Variants in SHE observed in about 807,000 individuals in gnomAD.
SHE encodes SH2 domain-containing adapter protein E.
SHE carries 11 observed loss-of-function variants against 49.8 expected under a neutral mutation model. That is an observed-to-expected ratio of 0.22 (90% CI 0.14 to 0.37). The LOEUF is 0.37. SHE is among the 10% of genes least tolerant of loss of function. The pLI is 1.00. For synonymous variants in SHE, 310 were observed against 278.1 expected, an observed-to-expected ratio of 1.11 and a Z score of -1.14; for missense variants, 624 against 655.5, an observed-to-expected ratio of 0.95 and a Z score of 0.52.
chr1:154,479,480 G>C, downstream of SHE: 6 of 984,792 alleles, frequency 6.1e-6, no homozygotes, highest in Non-Finnish European at 7.2e-6. Flanking sequence ...AACCACTGTA[G>C]TTTTCTTGGA....
At chr1:154,487,724 C>A (rs1170263881) in intron 3 of SHE, among the ~76,000 whole-genome samples, 1 of 151,560 alleles carries the variant, frequency 6.6e-6, no homozygotes, top group Admixed American at 6.6e-5. Flanking sequence ...GTGGTGCACG[C>A]CTGTAGTCCC....
intron 2 of SHE, among the ~76,000 whole-genome samples, chr1:154,495,951 A>C (rs1306796035): frequency 6.6e-6 from 1 of 152,212 alleles, no homozygotes; most frequent in Non-Finnish European, 1.5e-5. Context: ...GAAACAAGTA[A>C]AAAAAACTCT....
downstream of SHE, among the ~76,000 whole-genome samples, chr1:154,475,144 G>A (rs968472934): frequency 6.6e-6 from 1 of 152,142 alleles, no homozygotes; most frequent in African/African-American, 2.4e-5. Flanking sequence ...CCAGGTGGGA[G>A]GGAGGCCGCC....
intron 3 of SHE, 63 bp downstream of exon 3, chr1:154,488,988 G>A: frequency 6.7e-7 from 1 of 1,500,586 alleles, no homozygotes; most frequent in Non-Finnish European, 8.9e-7. Flanking sequence ...AACAAATGTG[G>A]GGCTGATGCG....
At chr1:154,476,038 T>C (rs1691868995), downstream of SHE, among the ~76,000 whole-genome samples, 1 of 152,240 alleles carries the variant, frequency 6.6e-6, no homozygotes, top group African/African-American at 2.4e-5. Context: ...ATGTTTCTCT[T>C]GCAAGTACAC....
chr1:154,480,345 G>A lies in SHE; in HGVS notation c.*3804C>T, dbSNP rs1691987092. On this transcript the variant is annotated 3_prime_UTR_variant, in exon 6 of 6. Transcript: ENST00000304760. ...AGGGAGAAACAAGGGGCTAACCTTTGACTGAAAAAGGGCATCTGACAGAAC... is the reference window on the plus strand; with the variant it reads ...AGGGAGAAACAAGGGGCTAACCTTTAACTGAAAAAGGGCATCTGACAGAAC... 4 of 985,304 alleles carry A rather than the reference G, an allele frequency of 4.1e-6. No individual in the cohort carries two copies. The highest frequency in any genetic ancestry group is 1.7e-5 in the African/African-American group (1 of 57,226). 61.0% of individuals were successfully genotyped at this position (985,304 alleles called of 1,614,324 possible).
chr1:154,489,142 G>C lies in SHE; in HGVS notation c.933C>G (p.Asp311Glu), dbSNP rs1475066977. The change falls in exon 3 of 6, where the codon GAC becomes GAG. Residue 311 changes from aspartate to glutamate, a missense_variant. Asp to Glu is a conservative substitution (Grantham distance 45). This residue lies in a region of SHE where 155 missense variants were observed against 142.0 expected (regional missense o/e 1.09). Transcript: ENST00000304760. ...PRAEGKARPP[D>E]SRLPENDERP... ...TCTCGTCGTTCTCGGGCAGCCGGCTGTCTGGGGGCCGCGCCTTCCCCTCTG... is the reference window on the plus strand; with the variant it reads ...TCTCGTCGTTCTCGGGCAGCCGGCTCTCTGGGGGCCGCGCCTTCCCCTCTG... 5 of 1,613,932 alleles carry C rather than the reference G, an allele frequency of 3.1e-6. No individual in the cohort carries two copies. Among genetic ancestry groups the C allele is most frequent in the Admixed American group, 3.3e-5 (2 of 59,984 alleles).
Position 154,501,483 on chromosome 1 carries a change from G to C in SHE, c.544C>G (p.Leu182Val), listed in dbSNP as rs1408858322. 1 of 1,614,072 alleles carries C rather than the reference G, an allele frequency of 6.2e-7. No homozygotes were observed. The highest frequency in any genetic ancestry group is 2.2e-5 in the East Asian group (1 of 44,890). Residue 182 changes from leucine (L) to valine (V), a missense_variant, in exon 1 of 6, where the codon CTG becomes GTG. Leu to Val is a conservative substitution (Grantham distance 32, BLOSUM62 1). This residue lies in a region of SHE where 337 missense variants were observed against 306.0 expected (regional missense o/e 1.10). Coordinates refer to ENST00000304760, the MANE Select transcript of SHE (RefSeq NM_001010846.3). ...SSSASSSPSSLGPELDKGKII... is the reference protein window; with the variant it reads ...SSSASSSPSSVGPELDKGKII... The stretch of plus-strand genomic sequence containing the variant: ...TTGCCCTTGTCCAGCTCGGGCCCCA[G>C]GGAGGAAGGGGAAGAGGACGCGGAG...
In SHE at chr1:154,471,800, C is replaced by T. The variant is rs1002403789; in HGVS notation, c.103-1438G>A. ...CTTCAAATTGCTTAATAAAGCTGCC[C>T]AATGTCCTGAAAAAAAATAGCTCAC... On this transcript the variant is annotated intron_variant, in intron 1 of 1. Coordinates refer to the SHE transcript ENST00000486773. Among the ~76,000 whole-genome samples the T allele has an allele frequency of 2.0e-5, 3 of 152,078 alleles. No homozygotes were observed. In the East Asian group the frequency reaches 5.8e-4, roughly 29 times the overall value.
In SHE at chr1:154,481,348, C is replaced by T. The variant is rs373595710; in HGVS notation, c.*2801G>A. On this transcript the variant is annotated 3_prime_UTR_variant, in exon 6 of 6. Transcript: ENST00000304760. ...ATATTTCTTCTTATAACCTCCTGTACAACTGTAAAGCAACTGGACAATATG... is the reference window on the plus strand; with the variant it reads ...ATATTTCTTCTTATAACCTCCTGTATAACTGTAAAGCAACTGGACAATATG... 2.3e-5 allele frequency: 23 copies of T among 985,432 alleles called. No individual in the cohort carries two copies. In the East Asian group the frequency reaches 1.0e-3, roughly 44 times the overall value. 61.0% of individuals were successfully genotyped at this position (985,432 alleles called of 1,614,324 possible).
chr1:154,499,295 T>A lies in SHE; in HGVS notation c.592-57A>T, dbSNP rs746051100. The A allele has an allele frequency of 2.6e-6, 4 of 1,565,946 alleles. No individual in the cohort carries two copies. The East Asian group carries it at 6.8e-5, about 27-fold the overall frequency. On this transcript the variant is annotated intron_variant, in intron 1 of 5. Coordinates refer to ENST00000304760, the MANE Select transcript of SHE (RefSeq NM_001010846.3). ...GGGCCACCGTATACCAAAATGGCAA[T>A]GGTATCAAAATGGCTACTGACATCT...
At position 154,480,566 on chromosome 1, in the gene SHE, C is replaced by A. The variant is rs968525593; in HGVS notation, c.*3583G>T. ...CCCTATCAGCTACCTGCCCACCTCC[C>A]CATCCTGCGGCAGAGGCTAGTACAC... is the stretch of plus-strand genomic sequence containing the variant. On this transcript the variant is annotated 3_prime_UTR_variant, in exon 6 of 6. Coordinates refer to ENST00000304760, the MANE Select transcript of SHE (RefSeq NM_001010846.3). 32 of 985,418 alleles carry A rather than the reference C, an allele frequency of 3.2e-5. No homozygotes were observed. The highest frequency in any genetic ancestry group is 3.9e-5 in the Non-Finnish European group (32 of 829,938). 61.0% of individuals were successfully genotyped at this position (985,418 alleles called of 1,614,324 possible).
At chr1:154,495,990 G>C (rs1388340828) in intron 2 of SHE, among the ~76,000 whole-genome samples, 1 of 152,148 alleles carries the variant, frequency 6.6e-6, no homozygotes, top group Admixed American at 6.5e-5. Flanking sequence ...GGAAATTTCC[G>C]AACTTGGACT....
chr1:154,480,413 A>C lies in SHE; in HGVS notation c.*3736T>G, dbSNP rs1030503358. Reference sequence around the variant, plus strand: ...AACCCGCAACTGAAGAATGCCTCACAGTTATTCTTCTGAATATCAAGATGC... The same window carrying C: ...AACCCGCAACTGAAGAATGCCTCACCGTTATTCTTCTGAATATCAAGATGC... On this transcript the variant is annotated 3_prime_UTR_variant, in exon 6 of 6. Coordinates refer to ENST00000304760, the MANE Select transcript of SHE (RefSeq NM_001010846.3). 9.1e-6 allele frequency: 9 copies of C among 985,482 alleles called. No individual in the cohort carries two copies. The highest frequency in any genetic ancestry group is 1.1e-5 in the Non-Finnish European group (9 of 829,948). 61.0% of individuals were successfully genotyped at this position (985,482 alleles called of 1,614,324 possible).
At chr1:154,488,693 T>C (rs1361090185) in intron 3 of SHE, among the ~76,000 whole-genome samples, 2 of 152,154 alleles carry the variant, frequency 1.3e-5, no homozygotes, top group Non-Finnish European at 2.9e-5. Flanking sequence ...TTCAAGCGAT[T>C]CTCCTGTCTC....
intron 2 of SHE, among the ~76,000 whole-genome samples, chr1:154,498,889 T>C (rs952147559): frequency 1.3e-5 from 2 of 152,192 alleles, no homozygotes; most frequent in African/African-American, 4.8e-5. Flanking sequence ...TAGAAAAACT[T>C]TGAAGACTCC....
At chr1:154,472,290 G>GC (rs1462043963) in intron 1 of SHE, among the ~76,000 whole-genome samples, 1 of 152,252 alleles carries the variant, frequency 6.6e-6, no homozygotes, top group East Asian at 1.9e-4. Context: ...GAGGAAGCCA[G>GC]CACCTGCACG....
chr1:154,481,445 G>C lies in SHE; in HGVS notation c.*2704C>G, dbSNP rs998698783. The C allele has an allele frequency of 9.8e-5, 97 of 985,264 alleles. No homozygotes were observed. Among genetic ancestry groups the C allele is most frequent in the Non-Finnish European group, 1.0e-4 (87 of 829,920 alleles). The allele number at this position is 985,264 out of a possible 1,614,324, so 61.0% of individuals were successfully genotyped here. On this transcript the variant is annotated 3_prime_UTR_variant, in exon 6 of 6. Transcript: ENST00000304760. Reference sequence around the variant, plus strand: ...TGACTTGTCACAGAGAAACAGTATAGAAGAAGCATAATACTGGGCATATGA... The same window carrying C: ...TGACTTGTCACAGAGAAACAGTATACAAGAAGCATAATACTGGGCATATGA...
In SHE at chr1:154,497,935, G is replaced by A. The variant is rs550576272; in HGVS notation, c.718+1177C>T. Among the ~76,000 whole-genome samples, 292 of 152,074 alleles carry A rather than the reference G, an allele frequency of 1.9e-3. 1 individual carries two copies. Among genetic ancestry groups the A allele is most frequent in the African/African-American group, 6.7e-3 (277 of 41,476 alleles). On this transcript the variant is annotated intron_variant, in intron 2 of 5. Coordinates refer to ENST00000304760, the MANE Select transcript of SHE (RefSeq NM_001010846.3). ...CGACCTCAGGTGATCGGCCCACCTC[G>A]GCCTCTCAAAGTGCTGGGATTACAG...
Sources: allele counts gnomAD v4.1 joint callset (sites outside exome capture counted in the v4.1 genomes callset), GRCh38; gene constraint gnomAD v4.1.1; regional missense constraint gnomAD v4.1.1; transcripts MANE v1.5; gene names NCBI Gene and HGNC (gene_info 2026-07-23, HGNC 2026-07-21).